Variants in ARMH3 observed in about 807,000 individuals in gnomAD.
The protein encoded by ARMH3 is armadillo like helical domain containing 3.
Under a neutral mutation model 99.1 loss-of-function variants are expected in ARMH3, and 60 were observed. The ratio of observed to expected loss-of-function variants is 0.61; its 90% CI spans 0.49 to 0.75. ARMH3 has a LOEUF of 0.75. Among genes scored for constraint, ARMH3 ranks in the 30% least tolerant of loss-of-function variants. The probability of loss-of-function intolerance (pLI) is 0.00; values close to 1 mark genes in which losing one functional copy is unlikely to be tolerated. For missense variants in ARMH3, 679 were observed against 843.1 expected, an observed-to-expected ratio of 0.81 and a Z score of 2.41; for synonymous variants, 285 against 292.8, an observed-to-expected ratio of 0.97 and a Z score of 0.27.
chr10:101,891,469 T>C (rs1450940510), intron 23 of ARMH3, among the ~76,000 whole-genome samples: 2 of 152,200 alleles, frequency 1.3e-5, no homozygotes, highest in Non-Finnish European at 2.9e-5. Flanking sequence ...AGTATTGGGA[T>C]TACAGGTGTG....
intron 20 of ARMH3, among the ~76,000 whole-genome samples, chr10:101,968,169 C>T (rs1162629090): frequency 6.6e-6 from 1 of 152,036 alleles, no homozygotes; most frequent in Admixed American, 6.6e-5. Flanking sequence ...TGAAAGTTCC[C>T]AGATCCTAGA....
intron 18 of ARMH3, among the ~76,000 whole-genome samples, chr10:101,991,672 C>T (rs1176393421): frequency 2.0e-5 from 3 of 152,162 alleles, no homozygotes. Flanking sequence ...TGAGCCACTG[C>T]GCCCAGCCTG....
chr10:101,916,635 A>AACC (rs1843096768), intron 23 of ARMH3, among the ~76,000 whole-genome samples: 4 of 152,196 alleles, frequency 2.6e-5, no homozygotes, highest in African/African-American at 9.7e-5. Context: ...GGTTAATTTT[A>AACC]TTATCAACTT....
At chr10:102,001,280 G>A (rs2066356114) in intron 15 of ARMH3, among the ~76,000 whole-genome samples, 1 of 152,046 alleles carries the variant, frequency 6.6e-6, no homozygotes, top group Non-Finnish European at 1.5e-5. Flanking sequence ...AAAATGCTAA[G>A]TAGGGGAAAA....
intron 23 of ARMH3, among the ~76,000 whole-genome samples, chr10:101,924,688 T>TTAAAA (rs889274412): frequency 1.7e-4 from 26 of 152,012 alleles, no homozygotes; most frequent in Admixed American, 5.2e-4. Flanking sequence ...GCAAGTAGCA[T>TTAAAA]TAAAATAAAA....
intron 24 of ARMH3, among the ~76,000 whole-genome samples, chr10:101,887,963 G>A (rs935641664): frequency 1.3e-5 from 2 of 151,442 alleles, no homozygotes; most frequent in African/African-American, 4.9e-5. Context: ...TTTTATTATT[G>A]GTCTGTGGCA....
intron 19 of ARMH3, among the ~76,000 whole-genome samples, chr10:101,985,078 T>TACACACACACAC (rs35926257): frequency 1.5e-5 from 2 of 136,180 alleles, no homozygotes; most frequent in African/African-American, 5.5e-5. Context: ...AAAATATATA[T>TACACACACACAC]ACACACACAC....
intron 23 of ARMH3, among the ~76,000 whole-genome samples, chr10:101,901,749 CA>C (rs1185318678): frequency 2.6e-5 from 4 of 152,104 alleles, no homozygotes; most frequent in Non-Finnish European, 5.9e-5. Context: ...TGGGAGAAAG[CA>C]GGGGGGCTGG....
At chr10:101,895,501 A>G (rs528441940) in intron 23 of ARMH3, among the ~76,000 whole-genome samples, 2 of 152,164 alleles carry the variant, frequency 1.3e-5, no homozygotes, top group Admixed American at 1.3e-4. Context: ...GGATAGTCTC[A>G]ATCTCCTGAC....
At chr10:101,861,527 T>C (rs1028082486) in intron 24 of ARMH3, among the ~76,000 whole-genome samples, 1 of 151,380 alleles carries the variant, frequency 6.6e-6, no homozygotes, top group African/African-American at 2.4e-5. Flanking sequence ...GGGCAGGAGT[T>C]TGAGACCAGC....
At chr10:102,025,960 T>C (rs2066991970) in intron 5 of ARMH3, among the ~76,000 whole-genome samples, 1 of 152,072 alleles carries the variant, frequency 6.6e-6, no homozygotes, top group Non-Finnish European at 1.5e-5. Flanking sequence ...CGTTATTTGG[T>C]AAAGAAAGCA....
In ARMH3 at chr10:102,029,762, A is replaced by C; in HGVS notation, c.307-17T>G. On this transcript the variant is annotated splice_polypyrimidine_tract_variant and intron_variant, in intron 4 of 25. Coordinates refer to ENST00000370033, the MANE Select transcript of ARMH3 (RefSeq NM_024541.3). ...GCACAGGGTCTGCAGAAATGAGAGA[A>C]AGAATTCTTTCTGGAGAGGAAGTCT... The C allele has an allele frequency of 6.2e-7, 1 of 1,604,982 alleles. No homozygotes were observed. The highest frequency in any genetic ancestry group is 8.5e-7 in the Non-Finnish European group (1 of 1,172,926).
At chr10:101,973,119 G>A (rs974256210) in intron 20 of ARMH3, among the ~76,000 whole-genome samples, 1 of 152,146 alleles carries the variant, frequency 6.6e-6, no homozygotes, top group Non-Finnish European at 1.5e-5. Context: ...CTAGCACTTT[G>A]GGAGGCCGAG....
chr10:101,853,079 C>A (rs1447854752), intron 24 of ARMH3, among the ~76,000 whole-genome samples: 3 of 139,020 alleles, frequency 2.2e-5, no homozygotes, highest in East Asian at 4.1e-4. Context: ...TTAGTAGAGA[C>A]GGGGTTTCAT....
chr10:102,053,481 T>C (rs2067759374), intron 1 of ARMH3, among the ~76,000 whole-genome samples: 1 of 152,072 alleles, frequency 6.6e-6, no homozygotes, highest in South Asian at 2.1e-4. Flanking sequence ...GCAATCTACC[T>C]GCCTAGGCCT....
Position 102,040,001 on chromosome 10 carries a change from C to T in ARMH3, c.102+12G>A, listed in dbSNP as rs11191190. 0.25 allele frequency: 402,215 copies of T among 1,608,306 alleles called. 53,970 individuals are homozygous for T. The highest frequency in any genetic ancestry group is 0.57 in the East Asian group (25,378 of 44,830). On this transcript the variant is annotated intron_variant, in intron 2 of 25. Transcript: ENST00000370033. ...AGACTCAAGCTGTACACAACAAGGC[C>T]GCAGGCCTTACCATGAAGATCTCAT...
At position 102,012,822 on chromosome 10, in the gene ARMH3, G is replaced by T; in HGVS notation, c.770+11C>A. ...ATCAGACCCCCTTCCATTCTGGAAAGGTGGACTTACCTGTTGTACTCAGAT... is the reference window on the plus strand; with the variant it reads ...ATCAGACCCCCTTCCATTCTGGAAATGTGGACTTACCTGTTGTACTCAGAT... On this transcript the variant is annotated intron_variant, in intron 10 of 25. Transcript: ENST00000370033. The T allele has an allele frequency of 6.2e-7, 1 of 1,605,898 alleles. No homozygotes were observed. Among genetic ancestry groups the T allele is most frequent in the Non-Finnish European group, 8.5e-7 (1 of 1,174,762 alleles).
chr10:101,998,203 A>G (rs1247068994), intron 15 of ARMH3, among the ~76,000 whole-genome samples: 1 of 152,228 alleles, frequency 6.6e-6, no homozygotes, highest in Non-Finnish European at 1.5e-5. Context: ...GGCAAAGCTA[A>G]AAGTTCATTT....
intron 23 of ARMH3, chr10:101,913,308 T>C (rs1842940678): frequency 2.0e-5 from 3 of 151,130 alleles, no homozygotes; most frequent in Non-Finnish European, 4.4e-5. Flanking sequence ...GAGAAAGCTC[T>C]TGGTTAAAAG....
Sources: gnomAD v4.1 joint callset for allele counts (sites outside exome capture counted in the v4.1 genomes callset) on GRCh38, gnomAD v4.1.1 for gene constraint, MANE v1.5 for transcripts, NCBI Gene and HGNC (gene_info 2026-07-23, HGNC 2026-07-21) for gene names.